Variants in NRROS observed in about 807,000 individuals in gnomAD.
NRROS encodes transforming growth factor beta activator LRRC33.
A neutral mutation model predicts 12.0 loss-of-function variants in NRROS; 6 were observed. The ratio of observed to expected loss-of-function variants is 0.50; its 90% CI spans 0.27 to 0.98. The LOEUF is 0.98. Ranked by LOEUF, NRROS falls within the 50% of genes least tolerant of loss-of-function variation. NRROS has a pLI of 0.11. For missense variants in NRROS, 857 were observed against 888.2 expected, an observed-to-expected ratio of 0.96 and a Z score of 0.45; for synonymous variants, 462 against 410.2, an observed-to-expected ratio of 1.13 and a Z score of -1.53.
intron 1 of NRROS, among the ~76,000 whole-genome samples, chr3:196,647,693 G>A (rs1357237661): frequency 6.6e-6 from 1 of 152,148 alleles, no homozygotes; most frequent in Non-Finnish European, 1.5e-5. Context: ...CGAGTAGCTG[G>A]AATTACAGGT....
In NRROS at chr3:196,647,811, G is replaced by T. The variant is rs180929695; in HGVS notation, c.-13-6716G>T. Among the ~76,000 whole-genome samples the T allele has an allele frequency of 7.2e-5, 11 of 152,298 alleles. No individual in the cohort carries two copies. In the East Asian group the frequency reaches 2.1e-3, roughly 29 times the overall value. On this transcript the variant is annotated intron_variant, in intron 1 of 2. Coordinates refer to ENST00000328557, the MANE Select transcript of NRROS (RefSeq NM_198565.3). ...TGACCTCAGGTGATCTGCTGGCCTT[G>T]GCCTCCCAAAGTGCTGGGATTACAA...
chr3:196,650,247 G>A (rs1004615388), intron 1 of NRROS, among the ~76,000 whole-genome samples: 3 of 152,058 alleles, frequency 2.0e-5, no homozygotes, highest in Non-Finnish European at 4.4e-5. Flanking sequence ...TCCCAGGTTC[G>A]ATTGTCCTGC....
At chr3:196,656,195 T>C (rs1021358847) in intron 2 of NRROS, among the ~76,000 whole-genome samples, 4 of 152,130 alleles carry the variant, frequency 2.6e-5, no homozygotes, top group Middle Eastern at 3.2e-3. Flanking sequence ...GAAACACATA[T>C]TTAATAAACA....
In NRROS at chr3:196,661,617, C is replaced by T; in HGVS notation, c.1974C>T (p.Pro658=). The change falls in exon 3 of 3, where the codon CCC becomes CCT. Residue 658 remains proline, a synonymous_variant. Transcript: ENST00000328557. The part of the protein sequence containing the change: ...LGLLYLVLIL[P]SCLTLLVACT... ...TGCTCTACCTCGTGCTCATCCTCCC[C>T]AGCTGCCTCACCCTGCTGGTGGCCT... 3 of 1,613,184 alleles carry T rather than the reference C, an allele frequency of 1.9e-6. No homozygotes were observed. Among genetic ancestry groups the T allele is most frequent in the Admixed American group, 3.3e-5 (2 of 60,018 alleles).
rs767038502 is a variant in NRROS at position 196,660,441 on chromosome 3, G to C, written c.798G>C (p.Pro266=). 13 of 1,613,726 alleles carry C rather than the reference G, an allele frequency of 8.1e-6. No homozygotes were observed. The Admixed American group carries it at 2.2e-4, about 27-fold the overall frequency. The change falls in exon 3 of 3, where the codon CCG becomes CCC. Residue 266 remains proline (P), a synonymous_variant. Coordinates refer to ENST00000328557, the MANE Select transcript of NRROS (RefSeq NM_198565.3). This position sits in a 1 kb window ranked among gnomAD's most constrained non-coding sequence, Gnocchi z 7.7. ...DLSHNQLLFF[P]LLPQYSKLRT... is the part of the protein sequence containing the mutation. ...CTCACAACCAGCTGCTGTTCTTCCC[G>C]CTGCTGCCCCAGTACAGCAAGTTGC...
chr3:196,650,249 T>C (rs565022671), intron 1 of NRROS, among the ~76,000 whole-genome samples: 10 of 152,312 alleles, frequency 6.6e-5, no homozygotes, highest in Non-Finnish European at 1.0e-4. Flanking sequence ...CCAGGTTCGA[T>C]TGTCCTGCCT....
chr3:196,661,727 G>A lies in NRROS; in HGVS notation c.*5G>A. 1.3e-6 allele frequency: 2 copies of A among 1,578,552 alleles called. No individual in the cohort carries two copies. The highest frequency in any genetic ancestry group is 1.7e-6 in the Non-Finnish European group (2 of 1,164,906). On this transcript the variant is annotated 3_prime_UTR_variant, in exon 3 of 3. Coordinates refer to ENST00000328557, the MANE Select transcript of NRROS (RefSeq NM_198565.3). ...CACTGGTCCTCCGTTTACTGACCTG[G>A]CTGTGTGCCAAGACTCGAAATTCGG...
At chr3:196,658,951 C>CA (rs1450158466) in intron 2 of NRROS, among the ~76,000 whole-genome samples, 3 of 152,170 alleles carry the variant, frequency 2.0e-5, no homozygotes, top group Admixed American at 6.5e-5. Flanking sequence ...GCCTGGGTGA[C>CA]AGGGTAAGAC....
At position 196,660,972 on chromosome 3, in the gene NRROS, G is replaced by A; in HGVS notation, c.1329G>A (p.Leu443=). Residue 443 remains leucine (L), a synonymous_variant, in exon 3 of 3, where the codon CTG becomes CTA. Coordinates refer to ENST00000328557, the MANE Select transcript of NRROS (RefSeq NM_198565.3). The surrounding 1 kb of genome is among the most constrained non-coding windows in gnomAD (Gnocchi z 7.7). ...MSHNQISLCP[L]PAASDRVGPP... ...ACAATCAGATCTCACTTTGTCCCCT[G>A]CCAGCTGCCTCGGACCGGGTGGGCC... 1 of 1,614,160 alleles carries A rather than the reference G, an allele frequency of 6.2e-7. No individual in the cohort carries two copies. The highest frequency in any genetic ancestry group is 1.1e-5 in the South Asian group (1 of 91,086).
rs145529409 is a variant in NRROS at position 196,659,777 on chromosome 3, G to A, written c.134G>A (p.Gly45Glu). 1.5e-4 allele frequency: 243 copies of A among 1,612,144 alleles called. No homozygotes were observed. Among genetic ancestry groups the A allele is most frequent in the Non-Finnish European group, 2.0e-4 (232 of 1,179,030 alleles). The change falls in exon 3 of 3, where the codon GGG becomes GAG. Residue 45 changes from glycine (G) to glutamate (E), a missense_variant. Coordinates refer to ENST00000328557, the MANE Select transcript of NRROS (RefSeq NM_198565.3). The part of the protein sequence containing the change: ...KLVGGAADCR[G>E]QSLASVPSSL... ...GTGGGTGGAGCCGCTGACTGCCGAG[G>A]GCAGAGCCTCGCTTCGGTGCCCAGC...
intron 1 of NRROS, among the ~76,000 whole-genome samples, chr3:196,643,355 G>T (rs933364402): frequency 6.6e-6 from 1 of 152,172 alleles, no homozygotes; most frequent in Non-Finnish European, 1.5e-5. Context: ...GTGGAACCTC[G>T]TCATGGTCCT....
Position 196,659,824 on chromosome 3 carries a change from A to T in NRROS, c.181A>T (p.Met61Leu), listed in dbSNP as rs1367573591. 9 of 1,613,938 alleles carry T rather than the reference A, an allele frequency of 5.6e-6. No individual in the cohort carries two copies. Among genetic ancestry groups the T allele is most frequent in the Non-Finnish European group, 7.6e-6 (9 of 1,179,928 alleles). The change falls in exon 3 of 3, where the codon ATG (methionine) becomes TTG (leucine). Residue 61 changes from methionine (M) to leucine (L), a missense_variant. By Grantham distance (15) the Met-to-Leu change is conservative (BLOSUM62 2). Coordinates refer to ENST00000328557, the MANE Select transcript of NRROS (RefSeq NM_198565.3). ...VPSSLPPHAR[M>L]LTLDANPLKT... ...CAGCAGCCTCCCGCCCCACGCCCGG[A>T]TGCTCACCCTGGATGCCAACCCTCT... is the stretch of plus-strand genomic sequence containing the variant.
chr3:196,649,927 C>T (rs191938838), intron 1 of NRROS, among the ~76,000 whole-genome samples: 53 of 152,172 alleles, frequency 3.5e-4, no homozygotes, highest in African/African-American at 1.1e-3. Flanking sequence ...GCCCCTTTAG[C>T]GGAGAGGGTC....
In NRROS at chr3:196,654,898, C is replaced by A. The variant is rs1189761947; in HGVS notation, c.108+251C>A. The A allele has an allele frequency of 4.5e-6, 2 of 447,878 alleles. No homozygotes were observed. The highest frequency in any genetic ancestry group is 4.1e-5 in the African/African-American group (2 of 49,294). 27.7% of individuals were successfully genotyped at this position (447,878 alleles called of 1,614,324 possible). ...TGCTGAGGATAGGAGGCATCCGAGA[C>A]CAGCCTAGGGCATCCTCCCGGAACA... On this transcript the variant is annotated intron_variant, in intron 2 of 2. Transcript: ENST00000328557. This position sits in a 1 kb window ranked among gnomAD's most constrained non-coding sequence, Gnocchi z 4.4.
At position 196,654,169 on chromosome 3, in the gene NRROS, G is replaced by A. The variant is rs1020616646; in HGVS notation, c.-13-358G>A. Among the ~76,000 whole-genome samples the A allele has an allele frequency of 6.6e-5, 10 of 152,180 alleles. No individual in the cohort carries two copies. The East Asian group carries it at 1.9e-3, about 29-fold the overall frequency. ...ATGCATCAGACCGATTGGAGCTGGA[G>A]GCAGGAAAACTTCAGCAGAATTACA... On this transcript the variant is annotated intron_variant, in intron 1 of 2. Coordinates refer to ENST00000328557, the MANE Select transcript of NRROS (RefSeq NM_198565.3). This position sits in a 1 kb window ranked among gnomAD's most constrained non-coding sequence, Gnocchi z 4.4.
At position 196,660,836 on chromosome 3, in the gene NRROS, C is replaced by T; in HGVS notation, c.1193C>T (p.Ala398Val). The change falls in exon 3 of 3, where the codon GCC (alanine) becomes GTC (valine). Residue 398 changes from alanine (A) to valine (V), a missense_variant. Transcript: ENST00000328557. The surrounding 1 kb of genome is among the most constrained non-coding windows in gnomAD (Gnocchi z 7.7). ...LSELHLAPGL[A>V]SCLGSLRLFN... ...GAGCTGCACCTGGCTCCGGGGCTGGCCAGCTGCCTGGGCAGCCTGCGCTTG... is the reference window on the plus strand; with the variant it reads ...GAGCTGCACCTGGCTCCGGGGCTGGTCAGCTGCCTGGGCAGCCTGCGCTTG... 6.2e-7 allele frequency: 1 copy of T among 1,613,528 alleles called. No homozygotes were observed. Among genetic ancestry groups the T allele is most frequent in the Non-Finnish European group, 8.5e-7 (1 of 1,180,030 alleles).
At position 196,661,161 on chromosome 3, in the gene NRROS, C is replaced by T; in HGVS notation, c.1518C>T (p.Leu506=). ...WGVLNGSLAP[L]QDVAPMLQVL... ...TTCTGAATGGGAGCCTCGCCCCACT[C>T]CAGGATGTTGCCCCCATGTTACAGG... The change falls in exon 3 of 3, where the codon CTC becomes CTT. Residue 506 remains leucine, a synonymous_variant. Coordinates refer to ENST00000328557, the MANE Select transcript of NRROS (RefSeq NM_198565.3). The T allele has an allele frequency of 6.2e-7, 1 of 1,612,622 alleles. No individual in the cohort carries two copies. The highest frequency in any genetic ancestry group is 8.5e-7 in the Non-Finnish European group (1 of 1,179,008).
In NRROS at chr3:196,659,877, G is replaced by A; in HGVS notation, c.234G>A (p.Gln78=). 1 of 1,614,124 alleles carries A rather than the reference G, an allele frequency of 6.2e-7. No individual in the cohort carries two copies. Among genetic ancestry groups the A allele is most frequent in the East Asian group, 2.2e-5 (1 of 44,868 alleles). Residue 78 remains glutamine (Q), a synonymous_variant, in exon 3 of 3, where the codon CAG becomes CAA. Coordinates refer to ENST00000328557, the MANE Select transcript of NRROS (RefSeq NM_198565.3). ...AGACCCTGTGGAATCACTCCCTCCA[G>A]CCTTACCCTCTCCTGGAGAGCCTCA... ...PLKTLWNHSL[Q]PYPLLESLSL...
At chr3:196,657,478 T>C (rs532197966) in intron 2 of NRROS, among the ~76,000 whole-genome samples, 1 of 152,058 alleles carries the variant, frequency 6.6e-6, no homozygotes, top group South Asian at 2.1e-4. Flanking sequence ...TCCCAGCACT[T>C]GGGGAGGCCA....
Sources: allele counts gnomAD v4.1 joint callset (sites outside exome capture counted in the v4.1 genomes callset), GRCh38; gene constraint gnomAD v4.1.1; non-coding constraint Gnocchi (gnomAD v3.1); transcripts MANE v1.5; gene names NCBI Gene and HGNC (gene_info 2026-07-23, HGNC 2026-07-21).